The following SLC22A16 variants were observed in gnomAD, a reference collection of about 807,000 sequenced individuals.
SLC22A16 encodes the protein solute carrier family 22 member 16.
In SLC22A16, 53 loss-of-function variants were observed where a neutral mutation model predicts 52.9. The observed-to-expected ratio is 1.00, with a 90% CI of 0.80 to 1.26. The LOEUF is 1.26. SLC22A16 is among the 50% of genes most tolerant of loss of function. The pLI is 0.00. For missense variants in SLC22A16, 726 were observed against 704.0 expected, an observed-to-expected ratio of 1.03 and a Z score of -0.35; for synonymous variants, 291 against 268.8, an observed-to-expected ratio of 1.08 and a Z score of -0.81.
At chr6:110,470,164 C>T (rs1469291263) in intron 1 of SLC22A16, among the ~76,000 whole-genome samples, 1 of 152,166 alleles carries the variant, frequency 6.6e-6, no homozygotes, top group Non-Finnish European at 1.5e-5. Context: ...CAATAAGAGG[C>T]ATGAAAATCA....
At chr6:110,461,943 G>A (rs567796478) in intron 1 of SLC22A16, among the ~76,000 whole-genome samples, 1 of 152,318 alleles carries the variant, frequency 6.6e-6, no homozygotes, top group South Asian at 2.1e-4. Context: ...ATTTACAAAA[G>A]AAAGAGGTTT....
chr6:110,454,439 T>A (rs924032874), intron 2 of SLC22A16, among the ~76,000 whole-genome samples: 1 of 149,730 alleles, frequency 6.7e-6, no homozygotes, highest in Admixed American at 6.8e-5. Context: ...TCCAAATGAA[T>A]ACCAGTTAAT....
intron 3 of SLC22A16, among the ~76,000 whole-genome samples, chr6:110,445,395 C>T (rs1009696641): frequency 6.6e-6 from 1 of 152,158 alleles, no homozygotes; most frequent in Non-Finnish European, 1.5e-5. Context: ...TCACTGTCAA[C>T]ATTTTATTTA....
Position 110,433,254 on chromosome 6 carries a change from A to G in SLC22A16, c.1422-1984T>C, listed in dbSNP as rs1774579064. On this transcript the variant is annotated intron_variant, in intron 6 of 7. Coordinates refer to ENST00000368919, the MANE Select transcript of SLC22A16 (RefSeq NM_033125.4). ...TATTAGTCTGATAAACTTTTTTCTT[A>G]GATATATATGTGTACCTACTCTATC... Among the ~76,000 whole-genome samples the G allele has an allele frequency of 1.3e-5, 2 of 152,148 alleles. 1 individual carries two copies. Among genetic ancestry groups the G allele is most frequent in the South Asian group, 4.1e-4 (2 of 4,826 alleles).
At chr6:110,476,280 A>T in intron 1 of SLC22A16, 1 of 1,264,264 alleles carries the variant, frequency 7.9e-7, no homozygotes, top group Non-Finnish European at 1.0e-6. Context: ...GCCCGGCAAC[A>T]GGCGCACTCC....
chr6:110,434,710 T>C (rs539659493), intron 6 of SLC22A16, among the ~76,000 whole-genome samples: 2 of 152,278 alleles, frequency 1.3e-5, no homozygotes, highest in African/African-American at 4.8e-5. Flanking sequence ...CTAGGCGTGG[T>C]GGCTCATGCC....
intron 6 of SLC22A16, among the ~76,000 whole-genome samples, chr6:110,431,671 T>A (rs1012097938): frequency 6.6e-6 from 1 of 152,110 alleles, no homozygotes; most frequent in Non-Finnish European, 1.5e-5. Flanking sequence ...AGGATGCATT[T>A]CTCAAAACGG....
chr6:110,461,214 T>C (rs1775869380), intron 1 of SLC22A16, among the ~76,000 whole-genome samples: 1 of 152,160 alleles, frequency 6.6e-6, no homozygotes, highest in Admixed American at 6.5e-5. Flanking sequence ...AGCTGACTGT[T>C]CTGGACTGGA....
Position 110,442,770 on chromosome 6 carries a change from T to C in SLC22A16, c.657A>G (p.Ala219=), listed in dbSNP as rs751117442. The C allele has an allele frequency of 6.2e-7, 1 of 1,611,276 alleles. No homozygotes were observed. Among genetic ancestry groups the C allele is most frequent in the Non-Finnish European group, 8.5e-7 (1 of 1,178,890 alleles). The change falls in exon 4 of 8, where the codon GCA becomes GCG. Residue 219 remains alanine (A), a synonymous_variant. Coordinates refer to ENST00000368919, the MANE Select transcript of SLC22A16 (RefSeq NM_033125.4). ...CAAACCCCACCACAAGATAGCCACT[T>C]GCAACCTGAAAAACAAATAATAGGG... The part of the protein sequence containing the change: ...MAARFFLAMV[A]SGYLVVGFVY...
intron 6 of SLC22A16, 54 bp from the exon 7 acceptor site, chr6:110,431,324 T>C: frequency 6.8e-7 from 1 of 1,465,106 alleles, no homozygotes; most frequent in Non-Finnish European, 9.5e-7. Flanking sequence ...ACCCAGGGAT[T>C]GAGGGACCTG....
chr6:110,425,386 T>A, intron 7 of SLC22A16: 1 of 1,341,590 alleles, frequency 7.5e-7, no homozygotes. Flanking sequence ...CTAGGAGCTG[T>A]GGTCAGAAAG....
At chr6:110,476,184 G>C in intron 1 of SLC22A16, 1 of 492,248 alleles carries the variant, frequency 2.0e-6, no homozygotes, top group Non-Finnish European at 3.4e-6. Flanking sequence ...CACCCCCTAC[G>C]AGTGAGATCT....
At chr6:110,432,595 G>A (rs576817764) in intron 6 of SLC22A16, among the ~76,000 whole-genome samples, 31 of 152,308 alleles carry the variant, frequency 2.0e-4, no homozygotes, top group African/African-American at 7.0e-4. Context: ...CACAGGACAT[G>A]ACAAAGATAT....
At chr6:110,439,133 A>G (rs776966078) in intron 4 of SLC22A16, among the ~76,000 whole-genome samples, 20 of 152,242 alleles carry the variant, frequency 1.3e-4, no homozygotes, top group Admixed American at 2.0e-4. Flanking sequence ...AAACTGTCTC[A>G]GGAGATAAAA....
chr6:110,460,813 C>A (rs1436157436), intron 1 of SLC22A16, among the ~76,000 whole-genome samples: 1 of 152,190 alleles, frequency 6.6e-6, no homozygotes, highest in African/African-American at 2.4e-5. Context: ...ACCAGCAGGA[C>A]CCTGGGGAGC....
intron 7 of SLC22A16, among the ~76,000 whole-genome samples, chr6:110,426,641 C>T (rs1021328769): frequency 5.3e-5 from 8 of 152,230 alleles, no homozygotes; most frequent in African/African-American, 1.7e-4. Context: ...GGCTATTTTC[C>T]CTTGGCAAAA....
chr6:110,435,940 C>A lies in SLC22A16; in HGVS notation c.1333G>T (p.Val445Leu). The change falls in exon 6 of 8, where the codon GTG becomes TTG. Residue 445 changes from valine (V) to leucine (L), a missense_variant. Val to Leu is a conservative substitution (Grantham distance 32). Transcript: ENST00000368919. ...GCAAATTTTCCAACCATAGCTGTCA[C>A]CACACCCAAAATATAATGTTTCTGA... ...IPQKHYILGV[V>L]TAMVGKFAIG... 1 of 1,613,758 alleles carries A rather than the reference C, an allele frequency of 6.2e-7. No individual in the cohort carries two copies. Among genetic ancestry groups the A allele is most frequent in the African/African-American group, 1.3e-5 (1 of 75,028 alleles).
chr6:110,462,024 C>T (rs996113563), intron 1 of SLC22A16, among the ~76,000 whole-genome samples: 7 of 152,180 alleles, frequency 4.6e-5, no homozygotes, highest in African/African-American at 1.7e-4. Context: ...GAGCAAGTCA[C>T]ATCTTACATG....
intron 2 of SLC22A16, among the ~76,000 whole-genome samples, chr6:110,452,346 T>C (rs1319028830): frequency 6.6e-6 from 1 of 152,180 alleles, no homozygotes; most frequent in Non-Finnish European, 1.5e-5. Context: ...TCATACAAAA[T>C]TGTAATAACT....
Sources: allele counts gnomAD v4.1 joint callset (sites outside exome capture counted in the v4.1 genomes callset), GRCh38; gene constraint gnomAD v4.1.1; transcripts MANE v1.5; gene names NCBI Gene and HGNC (gene_info 2026-07-23, HGNC 2026-07-21).